The following RPRD1B variants were observed in gnomAD, a reference collection of about 807,000 sequenced individuals.
RPRD1B encodes regulation of nuclear pre-mRNA domain containing 1B.
In RPRD1B, 11 loss-of-function variants were observed where a neutral mutation model predicts 41.5. The observed-to-expected ratio is 0.27, with a 90% confidence interval of 0.17 to 0.44. RPRD1B has a LOEUF of 0.44. RPRD1B is among the 20% of genes least tolerant of loss of function. The pLI is 1.00. For synonymous variants in RPRD1B, 158 were observed against 155.6 expected, an observed-to-expected ratio of 1.02 and a Z score of -0.12; for missense variants, 248 against 389.9, an observed-to-expected ratio of 0.64 and a Z score of 3.06.
In RPRD1B at chr20:38,081,772, A is replaced by G. The variant is rs940648905; in HGVS notation, c.832-7954A>G. On this transcript the variant is annotated intron_variant, in intron 6 of 6. Coordinates refer to ENST00000373433, the MANE Select transcript of RPRD1B (RefSeq NM_021215.4). ...GACTCTTAACATGAAGGGATGTTGA[A>G]TTGTATCGAAAGCCTTTTCTGCATC... Among the ~76,000 whole-genome samples, 25 of 152,188 alleles carry G rather than the reference A, an allele frequency of 1.6e-4. 1 individual carries two copies. Among genetic ancestry groups the G allele is most frequent in the Non-Finnish European group, 5.9e-5 (4 of 68,032 alleles).
intron 3 of RPRD1B, among the ~76,000 whole-genome samples, chr20:38,049,459 C>T (rs1363395991): frequency 6.7e-6 from 1 of 149,432 alleles, no homozygotes; most frequent in Non-Finnish European, 1.5e-5. Flanking sequence ...CAACCTCCGC[C>T]TCCCGGGTTC....
chr20:38,069,380 T>C (rs2074389760), intron 6 of RPRD1B, among the ~76,000 whole-genome samples: 1 of 152,202 alleles, frequency 6.6e-6, no homozygotes, highest in African/African-American at 2.4e-5. Context: ...CGGTTCTGAT[T>C]GTGGTTTAAG....
chr20:38,039,644 T>A (rs1372450799), intron 1 of RPRD1B, among the ~76,000 whole-genome samples: 1 of 152,014 alleles, frequency 6.6e-6, no homozygotes, highest in Non-Finnish European at 1.5e-5. Flanking sequence ...CCTCAGGTGA[T>A]CCGTCCATCT....
intron 6 of RPRD1B, 27 bp from the exon 7 acceptor site, chr20:38,089,699 G>A (rs764657451): frequency 5.6e-6 from 9 of 1,597,208 alleles, no homozygotes; most frequent in Admixed American, 5.0e-5. Context: ...CAGACTTAAC[G>A]GTATTGTCTT....
chr20:38,048,219 A>G, intron 2 of RPRD1B, 129 bp from the exon 3 acceptor site: 1 of 929,694 alleles, frequency 1.1e-6, no homozygotes, highest in Non-Finnish European at 1.5e-6. Context: ...TACAATATGT[A>G]CCTTATTTGG....
chr20:38,034,219 G>A, intron 1 of RPRD1B, 121 bp downstream of exon 1: 1 of 1,126,442 alleles, frequency 8.9e-7, no homozygotes, highest in South Asian at 1.7e-5. Context: ...GAGCTTCTGA[G>A]ATGGGAGACA....
intron 1 of RPRD1B, 37 bp downstream of exon 1, chr20:38,034,135 G>T: frequency 6.3e-7 from 1 of 1,596,670 alleles, no homozygotes; most frequent in South Asian, 1.1e-5. Flanking sequence ...ACGGTCCCCG[G>T]ATTGTCCTCT....
chr20:38,072,117 G>A, intron 6 of RPRD1B, among the ~76,000 whole-genome samples: 1 of 151,972 alleles, frequency 6.6e-6, no homozygotes, highest in East Asian at 1.9e-4. Flanking sequence ...ATTTTTTTCT[G>A]TGTTTTCTTC....
chr20:38,072,766 A>T (rs1453017106), intron 6 of RPRD1B, among the ~76,000 whole-genome samples: 1 of 152,168 alleles, frequency 6.6e-6, no homozygotes, highest in Non-Finnish European at 1.5e-5. Context: ...AGGTTTTGGG[A>T]CCACAGATGG....
intron 2 of RPRD1B, among the ~76,000 whole-genome samples, chr20:38,044,865 G>A (rs2074105634): frequency 6.6e-6 from 1 of 152,142 alleles, no homozygotes; most frequent in Non-Finnish European, 1.5e-5. Flanking sequence ...TGGAAGTGTA[G>A]GGAATACTTA....
chr20:38,052,752 G>GT lies in RPRD1B; in HGVS notation c.415+4299dup, dbSNP rs146687415. 2.8e-3 allele frequency among the ~76,000 whole-genome samples: 231 copies of GT among 81,696 alleles called. 3 individuals are homozygous for GT. Among genetic ancestry groups the GT allele is most frequent in the East Asian group, 8.1e-3 (21 of 2,580 alleles). The allele number at this position is 81,696 out of a possible 152,430, so 53.6% of individuals were successfully genotyped here. On this transcript the variant is annotated intron_variant, in intron 3 of 6. Coordinates refer to ENST00000373433, the MANE Select transcript of RPRD1B (RefSeq NM_021215.4). ...CTGCTGCACTCGGACCAAACGCGGT[G>GT]TTTTTTTTTTTTTTTTTTTTTTTTT...
chr20:38,066,354 C>T lies in RPRD1B; in HGVS notation c.831+98C>T, dbSNP rs992209193. 1.1e-5 allele frequency: 12 copies of T among 1,141,190 alleles called. No homozygotes were observed. In the Admixed American group the frequency reaches 1.7e-4, roughly 17 times the overall value. The allele number at this position is 1,141,190 out of a possible 1,614,324, so 70.7% of individuals were successfully genotyped here. A position where few individuals can be genotyped will look rare whatever the true frequency, so the allele number is the denominator to read the frequency against. ...ATGCTTTAATTAACAACATTTTTAT[C>T]GTTTAAAAATTCATGATGTGAATTC... On this transcript the variant is annotated intron_variant, in intron 6 of 6. Coordinates refer to ENST00000373433, the MANE Select transcript of RPRD1B (RefSeq NM_021215.4).
intron 6 of RPRD1B, among the ~76,000 whole-genome samples, chr20:38,082,979 G>A (rs2074528397): frequency 5.3e-5 from 8 of 152,110 alleles, no homozygotes; most frequent in Admixed American, 5.2e-4. Flanking sequence ...AAAAAAATTT[G>A]TCTGTTAGTT....
At chr20:38,062,314 G>A (rs564114875) in intron 5 of RPRD1B, among the ~76,000 whole-genome samples, 35 of 152,074 alleles carry the variant, frequency 2.3e-4, no homozygotes, top group Non-Finnish European at 4.3e-4. Context: ...TTCACTGGCA[G>A]CCATTCTCAC....
At position 38,040,417 on chromosome 20, in the gene RPRD1B, T is replaced by C; in HGVS notation, c.152-18T>C. 6.4e-7 allele frequency: 1 copy of C among 1,571,894 alleles called. No homozygotes were observed. Among genetic ancestry groups the C allele is most frequent in the Non-Finnish European group, 8.6e-7 (1 of 1,163,718 alleles). On this transcript the variant is annotated intron_variant, in intron 1 of 6. Transcript: ENST00000373433. Reference sequence around the variant, plus strand: ...TTTCTTTGGTGTAAGTTAAATTCTTTTCTTTTCTTTTTTTCAGCCAAATCA... The same window carrying C: ...TTTCTTTGGTGTAAGTTAAATTCTTCTCTTTTCTTTTTTTCAGCCAAATCA...
At chr20:38,076,019 T>C (rs2074456326) in intron 6 of RPRD1B, among the ~76,000 whole-genome samples, 1 of 152,232 alleles carries the variant, frequency 6.6e-6, no homozygotes, top group African/African-American at 2.4e-5. Context: ...AACAAAAATT[T>C]ACCAGCAGCC....
intron 6 of RPRD1B, among the ~76,000 whole-genome samples, chr20:38,084,455 T>C (rs2074542744): frequency 6.6e-6 from 1 of 152,170 alleles, no homozygotes; most frequent in Non-Finnish European, 1.5e-5. Context: ...GATCGTTGTT[T>C]CTTAGATGTG....
chr20:38,084,150 T>A (rs1299031755), intron 6 of RPRD1B, among the ~76,000 whole-genome samples: 2 of 152,052 alleles, frequency 1.3e-5, no homozygotes, highest in Admixed American at 1.3e-4. Context: ...GGCGGGTGTG[T>A]TAAATATTGG....
chr20:38,091,627 A>C lies in RPRD1B; in HGVS notation c.*1752A>C, dbSNP rs2074612591. 1.0e-6 allele frequency: 1 copy of C among 984,688 alleles called. No individual in the cohort carries two copies. The highest frequency in any genetic ancestry group is 1.2e-6 in the Non-Finnish European group (1 of 829,978). 61.0% of individuals were successfully genotyped at this position (984,688 alleles called of 1,614,324 possible). A position where few individuals can be genotyped will look rare whatever the true frequency, so the allele number is the denominator to read the frequency against. ...ATCTTTGCTGCTGCTGCACTCCCCAACCTCTCCCCCACCCCCCGTGGTGTG... is the reference window on the plus strand; with the variant it reads ...ATCTTTGCTGCTGCTGCACTCCCCACCCTCTCCCCCACCCCCCGTGGTGTG... On this transcript the variant is annotated 3_prime_UTR_variant, in exon 7 of 7. Coordinates refer to ENST00000373433, the MANE Select transcript of RPRD1B (RefSeq NM_021215.4).
Sources: gnomAD v4.1 joint callset for allele counts (sites outside exome capture counted in the v4.1 genomes callset) on GRCh38, gnomAD v4.1.1 for gene constraint, MANE v1.5 for transcripts, NCBI Gene and HGNC (gene_info 2026-07-23, HGNC 2026-07-21) for gene names.